Variants in MUC12 observed in about 807,000 individuals in gnomAD.
The protein encoded by MUC12 is mucin-12.
In MUC12, 172 loss-of-function variants were observed where a neutral mutation model predicts 230.8. The observed-to-expected ratio is 0.75, with a 90% CI of 0.66 to 0.85. MUC12 has a LOEUF of 0.85. Ranked by LOEUF, MUC12 falls within the 40% of genes least tolerant of loss-of-function variation. The pLI, the probability that MUC12 is intolerant of heterozygous loss-of-function variation, is 0.00. For synonymous variants in MUC12, 1,259 were observed against 2,401.9 expected (o/e 0.52, Z 13.91); for missense variants, 3,506 against 5,920.6 (o/e 0.59, Z 13.38).
intron 5 of MUC12, among the ~76,000 whole-genome samples, chr7:101,010,628 C>T (rs1163590831): frequency 6.6e-6 from 1 of 152,118 alleles, no homozygotes; most frequent in East Asian, 1.9e-4. Flanking sequence ...GATTATCCTG[C>T]CTTAGCTTCC....
At chr7:101,006,638 G>A in intron 3 of MUC12, 66 bp downstream of exon 3, 1 of 1,109,672 alleles carries the variant, frequency 9.0e-7, no homozygotes, top group South Asian at 1.3e-5. Context: ...CAGCATGGCA[G>A]TGTTGGAAGG....
At position 100,995,513 on chromosome 7, in the gene MUC12, C is replaced by T. The variant is rs780240371; in HGVS notation, c.4950C>T (p.Asn1650=). The T allele has an allele frequency of 3.4e-5, 52 of 1,535,896 alleles. No homozygotes were observed. In the South Asian group the frequency reaches 5.7e-4, roughly 17 times the overall value. ...GSTETTLLPD[N]TTASGLLEAS... is the part of the protein sequence containing the mutation. ...CTGAAACAACACTCTTACCTGACAA[C>T]ACCACAGCCTCAGGCCTCCTTGAAG... Residue 1650 remains asparagine (N), a synonymous_variant, in exon 2 of 12, where the codon AAC becomes AAT. Coordinates refer to ENST00000536621, the MANE Select transcript of MUC12 (RefSeq NM_001164462.2).
chr7:100,970,080 C>T (rs1792830107), intron 1 of MUC12, among the ~76,000 whole-genome samples: 1 of 152,304 alleles, frequency 6.6e-6, no homozygotes, highest in Non-Finnish European at 1.5e-5. Context: ...CACGGAGGCA[C>T]TGCACATGCT....
intron 11 of MUC12, 29 bp downstream of exon 11, chr7:101,017,692 C>A (rs1320206107): frequency 5.4e-6 from 8 of 1,487,488 alleles, no homozygotes; most frequent in African/African-American, 1.4e-5. Flanking sequence ...GCCCCCACCC[C>A]CTGAGGCTGC....
At chr7:100,971,171 A>G (rs1486106474) in intron 1 of MUC12, among the ~76,000 whole-genome samples, 1 of 84,874 alleles carries the variant, frequency 1.2e-5, no homozygotes, top group African/African-American at 5.1e-5. Flanking sequence ...ACAAACAAAA[A>G]AGAAACAAAC....
chr7:100,972,795 C>T (rs902529778), intron 1 of MUC12: 21 of 692,386 alleles, frequency 3.0e-5, no homozygotes, highest in South Asian at 9.1e-5. Flanking sequence ...TGCGAGCCAC[C>T]GCATCTGGCC....
At chr7:100,976,408 A>G (rs915707272) in intron 1 of MUC12, among the ~76,000 whole-genome samples, 3 of 151,110 alleles carry the variant, frequency 2.0e-5, no homozygotes, top group Non-Finnish European at 4.4e-5. Context: ...GATCGAGACC[A>G]TCCTGGCTGA....
Position 100,969,676 on chromosome 7 carries a change from T to C in MUC12, c.54T>C (p.Thr18=), listed in dbSNP as rs1563081896. 9.1e-6 allele frequency: 14 copies of C among 1,537,442 alleles called. No homozygotes were observed. In the South Asian group the frequency reaches 1.4e-4, roughly 16 times the overall value. ...TLALRLCASV[T]TVTPGSTVNT... is the part of the protein sequence containing the mutation. ...CTCTCCGGCTCTGCGCGTCCGTTAC[T>C]ACAGTGACACCAGGTGAGTGCTCCT... The change falls in exon 1 of 12, where the codon ACT becomes ACC. Residue 18 remains threonine (T), a synonymous_variant. Transcript: ENST00000536621.
intron 1 of MUC12, among the ~76,000 whole-genome samples, chr7:100,988,170 T>C (rs1386952067): frequency 3.4e-5 from 5 of 149,072 alleles, no homozygotes; most frequent in African/African-American, 7.4e-5. Context: ...CAGTGGTGGG[T>C]GCCTGTAATC....
chr7:100,981,291 A>G (rs1443539845), intron 1 of MUC12: 2 of 484,440 alleles, frequency 4.1e-6, no homozygotes, highest in Non-Finnish European at 7.3e-6. Flanking sequence ...CTTTGGGGAC[A>G]CCGTTGCCAC....
rs748803963 is a variant in MUC12 at position 100,991,960 on chromosome 7, C to T, written c.1397C>T (p.Thr466Met). 105 of 1,537,854 alleles carry T rather than the reference C, an allele frequency of 6.8e-5. No homozygotes were observed. In the Admixed American group the frequency reaches 9.0e-4, roughly 13 times the overall value. Reference sequence around the variant, plus strand: ...CCCTCAGTTCTTGTTGGAGACTCGACGCCCTCACCCATCAGTTCAGGCTCA... The same window carrying T: ...CCCTCAGTTCTTGTTGGAGACTCGATGCCCTCACCCATCAGTTCAGGCTCA... ...STPSVLVGDS[T>M]PSPISSGSME... is the part of the protein sequence containing the mutation. Residue 466 changes from threonine (T) to methionine (M), a missense_variant, in exon 2 of 12, where the codon ACG (threonine) becomes ATG (methionine). Physicochemically the swap from Thr to Met is moderately conservative, Grantham distance 81 (BLOSUM62 -1). Transcript: ENST00000536621.
intron 5 of MUC12, among the ~76,000 whole-genome samples, chr7:101,009,536 GA>G (rs996792102): frequency 7.2e-5 from 11 of 152,260 alleles, no homozygotes; most frequent in African/African-American, 2.6e-4. Context: ...ATTCTTCCTG[GA>G]AAAACTGGCA....
In MUC12 at chr7:100,995,959, C is replaced by G. The variant is rs1793477461; in HGVS notation, c.5396C>G (p.Thr1799Ser). 5.2e-6 allele frequency: 5 copies of G among 965,156 alleles called. No homozygotes were observed. Among genetic ancestry groups the G allele is most frequent in the South Asian group, 1.6e-5 (1 of 62,746 alleles). The allele number at this position is 965,156 out of a possible 1,614,324, so 59.8% of individuals were successfully genotyped here. The change falls in exon 2 of 12, where the codon ACT (threonine) becomes AGT (serine). Residue 1799 changes from threonine (T) to serine (S), a missense_variant. Coordinates refer to ENST00000536621, the MANE Select transcript of MUC12 (RefSeq NM_001164462.2). ...TCAGGTCGTAGTGAAGAATCAAGAA[C>G]TTCCCACAGCAGCACAACACACACA... ...TASGRSEESR[T>S]SHSSTTHTIS...
intron 10 of MUC12, among the ~76,000 whole-genome samples, chr7:101,016,702 G>T (rs12539994): frequency 0.24 from 33,597 of 141,798 alleles, 3,987 homozygotes; most frequent in Admixed American, 0.37. Flanking sequence ...GAGGGGGTGG[G>T]GGGAGGGAGA....
chr7:101,010,371 C>T (rs1245368430), intron 5 of MUC12, among the ~76,000 whole-genome samples: 2 of 152,108 alleles, frequency 1.3e-5, no homozygotes, highest in African/African-American at 2.4e-5. Flanking sequence ...GGGTCTCGCT[C>T]TCTTGCCCAG....
In MUC12 at chr7:101,018,832, A is replaced by G. The variant is rs1794004060; in HGVS notation, c.*196A>G. On this transcript the variant is annotated 3_prime_UTR_variant, in exon 12 of 12. Coordinates refer to ENST00000536621, the MANE Select transcript of MUC12 (RefSeq NM_001164462.2). Reference sequence around the variant, plus strand: ...AAGGCTGGGGGCTGTAAGCCTCTCCATCCGGGAGCTTCCAGACTCCCAGAA... The same window carrying G: ...AAGGCTGGGGGCTGTAAGCCTCTCCGTCCGGGAGCTTCCAGACTCCCAGAA... 2.0e-6 allele frequency: 1 copy of G among 508,784 alleles called. No individual in the cohort carries two copies. The highest frequency in any genetic ancestry group is 4.0e-5 in the Admixed American group (1 of 24,904). 31.5% of individuals were successfully genotyped at this position (508,784 alleles called of 1,614,324 possible).
Position 101,013,100 on chromosome 7 carries a change from A to G in MUC12, c.15596A>G (p.Asn5199Ser). The change falls in exon 8 of 12, where the codon AAC becomes AGC. Residue 5199 changes from asparagine to serine, a missense_variant. Physicochemically the swap from Asn to Ser is conservative, Grantham distance 46 (BLOSUM62 1). Coordinates refer to ENST00000536621, the MANE Select transcript of MUC12 (RefSeq NM_001164462.2). ...GGAACGAAGTCGCAAATGAACTGTAACCTGGGCACATGTCAGCTGCAACGC... is the reference window on the plus strand; with the variant it reads ...GGAACGAAGTCGCAAATGAACTGTAGCCTGGGCACATGTCAGCTGCAACGC... ...TKGTKSQMNC[N>S]LGTCQLQRSG... The G allele has an allele frequency of 2.6e-6, 4 of 1,537,254 alleles. No homozygotes were observed. The highest frequency in any genetic ancestry group is 3.5e-6 in the Non-Finnish European group (4 of 1,146,918).
Position 100,991,819 on chromosome 7 carries a change from C to T in MUC12, c.1256C>T (p.Thr419Ile), listed in dbSNP as rs1156443430. The T allele has an allele frequency of 2.0e-6, 3 of 1,537,872 alleles. No individual in the cohort carries two copies. Among genetic ancestry groups the T allele is most frequent in the South Asian group, 2.4e-5 (2 of 84,074 alleles). ...AGCTACCACAGCAGCCTGGGCTCAA[C>T]TGAAACAACACACTTCCGTGATAGC... ...HTSYHSSLGS[T>I]ETTHFRDSST... The change falls in exon 2 of 12, where the codon ACT becomes ATT. Residue 419 changes from threonine (T) to isoleucine (I), a missense_variant. Thr to Ile is a moderately conservative substitution (Grantham distance 89). Transcript: ENST00000536621.
chr7:101,016,814 G>C (rs1793930947), intron 10 of MUC12: 1 of 152,612 alleles, frequency 6.6e-6, no homozygotes, highest in African/African-American at 2.4e-5. Context: ...GGCCCCGAAG[G>C]ATGGGGGAGA....
Sources: allele counts gnomAD v4.1 joint callset (sites outside exome capture counted in the v4.1 genomes callset), GRCh38; gene constraint gnomAD v4.1.1; transcripts MANE v1.5; gene names NCBI Gene and HGNC (gene_info 2026-07-23, HGNC 2026-07-21).